The following MACROD2 variants were observed in gnomAD, a reference collection of about 807,000 sequenced individuals.
MACROD2 encodes the protein mono-ADP ribosylhydrolase 2.
In MACROD2, 36 loss-of-function variants were observed where a neutral mutation model predicts 70.4. The ratio of observed to expected loss-of-function variants is 0.51; its 90% CI spans 0.39 to 0.68. The LOEUF is 0.68. MACROD2 is among the 30% of genes least tolerant of loss of function. MACROD2 has a pLI of 0.00. For missense variants in MACROD2, 496 were observed against 538.4 expected, an observed-to-expected ratio of 0.92 and a Z score of 0.78; for synonymous variants, 172 against 178.8, an observed-to-expected ratio of 0.96 and a Z score of 0.30.
chr20:15,137,674 C>T (rs1019333339), intron 5 of MACROD2, among the ~76,000 whole-genome samples: 1 of 151,220 alleles, frequency 6.6e-6, no homozygotes, highest in Non-Finnish European at 1.5e-5. Flanking sequence ...CTAACCTGCA[C>T]TTTGTGCACA....
At chr20:15,691,581 G>A (rs6043448) in intron 8 of MACROD2, among the ~76,000 whole-genome samples, 38,940 of 152,034 alleles carry the variant, frequency 0.26, 6,375 homozygotes, top group African/African-American at 0.47. Context: ...TGAGAAATTG[G>A]GGAAAGCTTC....
Position 15,212,052 on chromosome 20 carries a change from T to C in MACROD2, c.419-17888T>C, listed in dbSNP as rs1176112684. Among the ~76,000 whole-genome samples the C allele has an allele frequency of 7.9e-5, 12 of 152,224 alleles. No individual in the cohort carries two copies. In the East Asian group the frequency reaches 2.3e-3, roughly 29 times the overall value. On this transcript the variant is annotated intron_variant, in intron 5 of 17. Transcript: ENST00000684519. ...GCCTTTTTGTTGATAGCCTTCCTAA[T>C]GAGTGTGAAATGTCATCTCATTGTA... is the stretch of plus-strand genomic sequence containing the variant.
At chr20:15,521,324 C>T (rs931116612) in intron 8 of MACROD2, among the ~76,000 whole-genome samples, 2 of 152,158 alleles carry the variant, frequency 1.3e-5, no homozygotes, top group African/African-American at 4.8e-5. Flanking sequence ...GAATTAGGAA[C>T]TGGTCGACTC....
chr20:15,446,495 C>T (rs2046567103), intron 7 of MACROD2, among the ~76,000 whole-genome samples: 1 of 152,184 alleles, frequency 6.6e-6, no homozygotes, highest in Non-Finnish European at 1.5e-5. Flanking sequence ...TTTTATGGCC[C>T]TCCCCCAATA....
chr20:15,123,193 A>G (rs575611283), intron 5 of MACROD2, among the ~76,000 whole-genome samples: 7 of 152,312 alleles, frequency 4.6e-5, no homozygotes, highest in African/African-American at 1.7e-4. Flanking sequence ...TTCCTGCTAG[A>G]CATGGACAAC....
intron 5 of MACROD2, among the ~76,000 whole-genome samples, chr20:14,976,823 G>T (rs1212790301): frequency 6.6e-6 from 1 of 152,114 alleles, no homozygotes; most frequent in Non-Finnish European, 1.5e-5. Context: ...GCATTCACCT[G>T]TGTTATTTGG....
chr20:15,377,495 T>G (rs1186439966), intron 6 of MACROD2, among the ~76,000 whole-genome samples: 1 of 152,200 alleles, frequency 6.6e-6, no homozygotes, highest in Non-Finnish European at 1.5e-5. Flanking sequence ...TTCCTTTTAT[T>G]ATGGAGGAAT....
chr20:14,437,236 G>A (rs1465587744), intron 3 of MACROD2, among the ~76,000 whole-genome samples: 1 of 151,996 alleles, frequency 6.6e-6, no homozygotes, highest in Non-Finnish European at 1.5e-5. Context: ...TTTTTTGAGT[G>A]GATGTCATCC....
intron 8 of MACROD2, among the ~76,000 whole-genome samples, chr20:15,537,467 CT>C (rs35857138): frequency 0.05 from 4,497 of 89,974 alleles, 109 homozygotes; most frequent in East Asian, 0.21. Context: ...TCCCACTCAT[CT>C]TTTTTTTTTT....
At chr20:14,603,732 G>A (rs1263453243) in intron 4 of MACROD2, among the ~76,000 whole-genome samples, 3 of 152,158 alleles carry the variant, frequency 2.0e-5, no homozygotes, top group East Asian at 3.8e-4. Flanking sequence ...TAACAGGAGA[G>A]TTTTATTGTC....
chr20:15,074,612 C>G (rs1222497471), intron 5 of MACROD2, among the ~76,000 whole-genome samples: 2 of 152,120 alleles, frequency 1.3e-5, no homozygotes, highest in African/African-American at 4.8e-5. Context: ...GAAACCTGAA[C>G]CTGTGGTATC....
intron 8 of MACROD2, among the ~76,000 whole-genome samples, chr20:15,790,810 T>C (rs778010512): frequency 6.6e-6 from 1 of 151,926 alleles, no homozygotes; most frequent in Non-Finnish European, 1.5e-5. Flanking sequence ...TGCAAAATAA[T>C]TAGTTAATAT....
At chr20:14,718,222 G>A (rs1165557928) in intron 5 of MACROD2, among the ~76,000 whole-genome samples, 1 of 146,764 alleles carries the variant, frequency 6.8e-6, no homozygotes, top group Non-Finnish European at 1.5e-5. Flanking sequence ...GAATCCAGGA[G>A]GCGGAGGTTG....
chr20:16,042,372 T>C lies in MACROD2; in HGVS notation c.1231+1094T>C, dbSNP rs961961528. On this transcript the variant is annotated intron_variant, in intron 16 of 17. Coordinates refer to ENST00000684519, the MANE Select transcript of MACROD2 (RefSeq NM_001351661.2). The stretch of plus-strand genomic sequence containing the variant: ...TGATGCTACAGACATGGTTCTTAAC[T>C]AGTTATTTACAAATCATGTTCTGAG... 2.8e-4 allele frequency among the ~76,000 whole-genome samples: 42 copies of C among 152,032 alleles called. 1 individual carries two copies.
chr20:15,660,033 T>C (rs2049796236), intron 8 of MACROD2, among the ~76,000 whole-genome samples: 1 of 152,146 alleles, frequency 6.6e-6, no homozygotes, highest in Non-Finnish European at 1.5e-5. Context: ...TGTATCTAGT[T>C]TGGGTCTTCA....
At chr20:14,283,669 T>C (rs1341322342) in intron 3 of MACROD2, among the ~76,000 whole-genome samples, 1 of 152,178 alleles carries the variant, frequency 6.6e-6, no homozygotes, top group East Asian at 1.9e-4. Flanking sequence ...ACAATTTTTT[T>C]TTTTATTTTT....
chr20:16,042,204 C>G (rs542726315), intron 16 of MACROD2, among the ~76,000 whole-genome samples: 5 of 152,132 alleles, frequency 3.3e-5, no homozygotes, highest in Admixed American at 1.3e-4. Context: ...ATAAGCCCAT[C>G]GGCTTATATT....
At chr20:14,241,976 T>A (rs1166260391) in intron 3 of MACROD2, among the ~76,000 whole-genome samples, 1 of 152,150 alleles carries the variant, frequency 6.6e-6, no homozygotes, top group African/African-American at 2.4e-5. Context: ...TACAACTGTG[T>A]AAAATTACAT....
rs149030351 is a variant in MACROD2 at position 14,903,892 on chromosome 20, C to T, written c.418+218933C>T. On this transcript the variant is annotated intron_variant, in intron 5 of 17. Coordinates refer to ENST00000684519, the MANE Select transcript of MACROD2 (RefSeq NM_001351661.2). ...CTGAAGGGGTTAAAGAATGAAGAAGCGTGCATGAAAGGTTTTTTTATTTTT... is the reference window on the plus strand; with the variant it reads ...CTGAAGGGGTTAAAGAATGAAGAAGTGTGCATGAAAGGTTTTTTTATTTTT... Among the ~76,000 whole-genome samples the T allele has an allele frequency of 3.9e-5, 6 of 152,220 alleles. No individual in the cohort carries two copies. In the East Asian group the frequency reaches 5.8e-4, roughly 15 times the overall value.
Sources: gnomAD v4.1 joint callset for allele counts (sites outside exome capture counted in the v4.1 genomes callset) on GRCh38, gnomAD v4.1.1 for gene constraint, MANE v1.5 for transcripts, NCBI Gene and HGNC (gene_info 2026-07-23, HGNC 2026-07-21) for gene names.